The following TAF4 variants were observed in gnomAD, a reference collection of about 807,000 sequenced individuals.
TAF4 encodes transcription initiation factor TFIID subunit 4.
A neutral mutation model predicts 90.3 loss-of-function variants in TAF4; 9 were observed. The ratio of observed to expected loss-of-function variants is 0.10; its 90% confidence interval spans 0.06 to 0.17. TAF4 has a LOEUF of 0.17. TAF4 is among the 10% of genes least tolerant of loss of function. The probability of loss-of-function intolerance (pLI) is 1.00; values close to 1 mark genes in which losing one functional copy is unlikely to be tolerated. For missense variants in TAF4, 1,351 were observed against 1,370.7 expected, an observed-to-expected ratio of 0.99 and a Z score of 0.23; for synonymous variants, 818 against 638.9, an observed-to-expected ratio of 1.28 and a Z score of -4.23.
chr20:61,999,801 T>C (rs1034664475), intron 11 of TAF4, among the ~76,000 whole-genome samples: 1 of 151,942 alleles, frequency 6.6e-6, no homozygotes, highest in African/African-American at 2.4e-5. Context: ...ATACAAAAAT[T>C]AGTTGGGCAC....
intron 14 of TAF4, 46 bp from the exon 15 acceptor site, chr20:61,976,381 T>G: frequency 6.2e-7 from 1 of 1,602,756 alleles, no homozygotes; most frequent in Non-Finnish European, 8.5e-7. Context: ...GGGCTCAGAG[T>G]GGGGCTTGCA....
intron 1 of TAF4, among the ~76,000 whole-genome samples, chr20:62,047,244 G>C (rs1436668957): frequency 6.6e-6 from 1 of 152,028 alleles, no homozygotes; most frequent in Non-Finnish European, 1.5e-5. Flanking sequence ...TACTAGCATG[G>C]GGCTATGGTA....
intron 1 of TAF4, among the ~76,000 whole-genome samples, chr20:62,022,616 C>A (rs560271784): frequency 1.2e-4 from 19 of 152,326 alleles, no homozygotes; most frequent in African/African-American, 3.1e-4. Flanking sequence ...GCGCTCCTTA[C>A]ACAGGCTGGC....
At chr20:62,027,663 A>T (rs2055882192) in intron 1 of TAF4, among the ~76,000 whole-genome samples, 1 of 152,220 alleles carries the variant, frequency 6.6e-6, no homozygotes, top group South Asian at 2.1e-4. Flanking sequence ...GAACAGGATA[A>T]AATAACCTTG....
chr20:62,060,297 C>T (rs527912427), intron 1 of TAF4, among the ~76,000 whole-genome samples: 145 of 152,392 alleles, frequency 9.5e-4, no homozygotes, highest in African/African-American at 2.7e-3. Context: ...ACCAGGGCAA[C>T]CGTAACGAAC....
intron 14 of TAF4, among the ~76,000 whole-genome samples, chr20:61,993,742 T>A (rs1205117655): frequency 6.6e-6 from 1 of 151,932 alleles, no homozygotes; most frequent in Non-Finnish European, 1.5e-5. Flanking sequence ...CATGTTCTAG[T>A]TTGGTTTTTT....
intron 2 of TAF4, among the ~76,000 whole-genome samples, chr20:62,013,450 G>A (rs1380709282): frequency 6.6e-6 from 1 of 152,252 alleles, no homozygotes; most frequent in Admixed American, 6.5e-5. Flanking sequence ...ACTGCAATGG[G>A]ATGCCCACAG....
intron 1 of TAF4, among the ~76,000 whole-genome samples, chr20:62,062,494 G>A (rs141839801): frequency 0.011 from 1,647 of 152,224 alleles, 38 homozygotes; most frequent in African/African-American, 0.038. Flanking sequence ...AAGAGATGGG[G>A]TAAATCTCTC....
At chr20:61,983,486 C>T (rs2055563150) in intron 14 of TAF4, among the ~76,000 whole-genome samples, 1 of 152,016 alleles carries the variant, frequency 6.6e-6, no homozygotes, top group Non-Finnish European at 1.5e-5. Context: ...CATAACGAGA[C>T]CCCATTCCTA....
At chr20:62,012,981 T>A in intron 2 of TAF4, 47 bp from the exon 3 acceptor site, 1 of 1,608,234 alleles carries the variant, frequency 6.2e-7, no homozygotes. Context: ...GTAAAAGGAA[T>A]TCCCACCCCC....
Position 62,063,642 on chromosome 20 carries a change from G to A in TAF4, c.1360+809C>T, listed in dbSNP as rs764492094. 4.0e-4 allele frequency among the ~76,000 whole-genome samples: 61 copies of A among 151,948 alleles called. 1 individual carries two copies. The highest frequency in any genetic ancestry group is 5.0e-4 in the Non-Finnish European group (34 of 67,960). ...TCGCCCCGAGACCCCTGCACGGAGCGAGAACATCTGCTGCCACCGCCCTCC... is the reference window on the plus strand; with the variant it reads ...TCGCCCCGAGACCCCTGCACGGAGCAAGAACATCTGCTGCCACCGCCCTCC... On this transcript the variant is annotated intron_variant, in intron 1 of 14. Transcript: ENST00000252996.
intron 1 of TAF4, among the ~76,000 whole-genome samples, chr20:62,044,877 A>T (rs983679304): frequency 1.3e-5 from 2 of 152,196 alleles, no homozygotes; most frequent in African/African-American, 2.4e-5. Context: ...TGGGACAGGA[A>T]ATACAGGATG....
intron 4 of TAF4, among the ~76,000 whole-genome samples, chr20:62,009,749 C>T (rs752109977): frequency 4.6e-5 from 7 of 152,338 alleles, no homozygotes; most frequent in South Asian, 2.1e-4. Context: ...TGTGTACAAA[C>T]GGGTGGCGCT....
At chr20:62,046,260 T>C (rs1476028780) in intron 1 of TAF4, among the ~76,000 whole-genome samples, 1 of 152,230 alleles carries the variant, frequency 6.6e-6, no homozygotes, top group African/African-American at 2.4e-5. Flanking sequence ...AATCCACCTA[T>C]TTTAAGTGTG....
At chr20:62,064,240 G>C (rs1008691419) in intron 1 of TAF4, 18 of 465,864 alleles carry the variant, frequency 3.9e-5, no homozygotes, top group African/African-American at 2.8e-4. Flanking sequence ...GACAGCGACA[G>C]GGACGCAGGC....
Position 62,020,903 on chromosome 20 carries a change from G to C in TAF4, c.1361-6196C>G, listed in dbSNP as rs530884551. Among the ~76,000 whole-genome samples, 11 of 152,298 alleles carry C rather than the reference G, an allele frequency of 7.2e-5. No homozygotes were observed. The South Asian group carries it at 1.7e-3, about 23-fold the overall frequency. ...CAGGTGATCAACAGAAATTCTAGGA[G>C]GACAGAAAGGACAGCAGTTGCTGGA... On this transcript the variant is annotated intron_variant, in intron 1 of 14. Transcript: ENST00000252996.
At chr20:62,004,324 TTTTC>T (rs928046271) in intron 7 of TAF4, among the ~76,000 whole-genome samples, 3 of 116,116 alleles carry the variant, frequency 2.6e-5, no homozygotes, top group African/African-American at 6.3e-5. Flanking sequence ...TTTTCTTTTC[TTTTC>T]TTTTTTTTTT....
intron 1 of TAF4, among the ~76,000 whole-genome samples, chr20:62,043,114 G>A (rs910205081): frequency 2.0e-5 from 3 of 152,264 alleles, no homozygotes; most frequent in African/African-American, 7.2e-5. Context: ...TAGAGCCCAG[G>A]AGTCCAAGAC....
rs2056123003 is a variant in TAF4 at position 62,065,300 on chromosome 20, C to CG, written c.510dup (p.Gly171ArgfsTer291). 1 of 908,732 alleles carries CG rather than the reference C, an allele frequency of 1.1e-6. No homozygotes were observed. The highest frequency in any genetic ancestry group is 1.3e-6 in the Non-Finnish European group (1 of 774,410). The allele number at this position is 908,732 out of a possible 1,614,324, so 56.3% of individuals were successfully genotyped here. A position where few individuals can be genotyped will look rare whatever the true frequency, so the allele number is the denominator to read the frequency against. ...CCGGGGCCGGGCCCGGGGCCGGGGC[C>CG]GGCGCGGGCGGCCAGCGCGGCGGGG... On this transcript the variant is annotated frameshift_variant, in exon 1 of 15. Transcript: ENST00000252996. LOFTEE classifies it high-confidence loss of function.
Sources: allele counts gnomAD v4.1 joint callset (sites outside exome capture counted in the v4.1 genomes callset), GRCh38; gene constraint gnomAD v4.1.1; transcripts MANE v1.5; gene names NCBI Gene and HGNC (gene_info 2026-07-23, HGNC 2026-07-21).